Variants in MGRN1 observed in about 807,000 individuals in gnomAD.
The protein encoded by MGRN1 is mahogunin ring finger 1.
Under a neutral mutation model 69.2 loss-of-function variants are expected in MGRN1, and 29 were observed. The ratio of observed to expected loss-of-function variants is 0.42; its 90% confidence interval spans 0.31 to 0.57. MGRN1 has a LOEUF of 0.57. Among genes scored for constraint, MGRN1 ranks in the 20% least tolerant of loss-of-function variants. The pLI is 0.15. For synonymous variants in MGRN1, 470 were observed against 344.2 expected, an observed-to-expected ratio of 1.37 and a Z score of -4.04; for missense variants, 998 against 796.2, an observed-to-expected ratio of 1.25 and a Z score of -3.05.
At position 4,628,145 on chromosome 16, in the gene MGRN1, G is replaced by C. The variant is rs894304330; in HGVS notation, c.88+3097G>C. ...CTCACGCCTGTAATCCCAGCACTTT[G>C]GGAGGCCGAGGCAGGCGGATCACGA... On this transcript the variant is annotated intron_variant, in intron 1 of 16. Coordinates refer to ENST00000262370, the MANE Select transcript of MGRN1 (RefSeq NM_015246.4). 4.6e-5 allele frequency among the ~76,000 whole-genome samples: 7 copies of C among 150,994 alleles called. 1 individual carries two copies. The highest frequency in any genetic ancestry group is 1.0e-4 in the Non-Finnish European group (7 of 67,852).
At chr16:4,681,879 G>T (rs771559249) in intron 13 of MGRN1, 103 bp downstream of exon 13, 32 of 1,206,066 alleles carry the variant, frequency 2.7e-5, no homozygotes, top group Non-Finnish European at 3.6e-5. Flanking sequence ...GTTCTGTGTG[G>T]CGATTCCCCA....
At chr16:4,688,435 G>T in intron 16 of MGRN1, 1 of 1,061,742 alleles carries the variant, frequency 9.4e-7, no homozygotes, top group Non-Finnish European at 1.1e-6. Context: ...CCAGCCGTAA[G>T]AACCTTGGCA....
At chr16:4,637,534 C>T (rs962378948) in intron 1 of MGRN1, among the ~76,000 whole-genome samples, 7 of 152,176 alleles carry the variant, frequency 4.6e-5, no homozygotes, top group Admixed American at 2.6e-4. Context: ...GGAAATTGGC[C>T]GCCTTAGTGC....
At chr16:4,637,009 C>T (rs1258993548) in intron 1 of MGRN1, among the ~76,000 whole-genome samples, 1 of 150,654 alleles carries the variant, frequency 6.6e-6, no homozygotes, top group Non-Finnish European at 1.5e-5. Context: ...GTCCCAGCTA[C>T]TTGGGAGGCT....
intron 1 of MGRN1, among the ~76,000 whole-genome samples, chr16:4,643,597 C>G (rs2078209828): frequency 6.6e-6 from 1 of 151,714 alleles, no homozygotes; most frequent in South Asian, 2.1e-4. Context: ...TGGTCTCCAT[C>G]TCCTGACCTC....
chr16:4,636,890 C>T (rs550564819), intron 1 of MGRN1, among the ~76,000 whole-genome samples: 1 of 151,586 alleles, frequency 6.6e-6, no homozygotes, highest in African/African-American at 2.4e-5. Context: ...GAGGCCGAGA[C>T]GGGCAGATCA....
Position 4,677,515 on chromosome 16 carries a change from G to T in MGRN1, c.1008G>T (p.Leu336=), listed in dbSNP as rs768406687. The change falls in exon 11 of 17, where the codon CTG becomes CTT. Residue 336 remains leucine, a synonymous_variant. Transcript: ENST00000262370. ...IRAVRKKPGA[L]SPVSFSPVLA... ...CGGTGCGGAAGAAGCCAGGAGCCCT[G>T]TCCCCCGTGTCCTTCAGCCCCGTCC... is the stretch of plus-strand genomic sequence containing the variant. 7.5e-6 allele frequency: 12 copies of T among 1,596,162 alleles called. No homozygotes were observed. Among genetic ancestry groups the T allele is most frequent in the Non-Finnish European group, 1.0e-5 (12 of 1,177,350 alleles).
intron 5 of MGRN1, among the ~76,000 whole-genome samples, chr16:4,657,935 G>C (rs900336235): frequency 1.3e-5 from 2 of 151,034 alleles, no homozygotes; most frequent in Non-Finnish European, 3.0e-5. Flanking sequence ...GTAGAGACGG[G>C]GTTTCACCGT....
intron 4 of MGRN1, among the ~76,000 whole-genome samples, chr16:4,655,375 C>T (rs1203216722): frequency 2.0e-5 from 3 of 152,232 alleles, no homozygotes; most frequent in Non-Finnish European, 2.9e-5. Flanking sequence ...CTCTCCTAGA[C>T]CCCTGCGGGC....
At position 4,683,245 on chromosome 16, in the gene MGRN1, G is replaced by T. The variant is rs774738232; in HGVS notation, c.1504G>T (p.Asp502Tyr). The stretch of plus-strand genomic sequence containing the variant: ...CTAGAGTTTCATAACAGAAGAGGTT[G>T]ATGAGTCGTCGTCACCACAGCAAGG... ...SPESFITEEV[D>Y]ESSSPQQGTR... is the part of the protein sequence containing the mutation. Residue 502 changes from aspartate to tyrosine, a missense_variant, in exon 15 of 17, where the codon GAT becomes TAT. Asp to Tyr is a radical substitution (Grantham distance 160, BLOSUM62 -3). Transcript: ENST00000262370. The T allele has an allele frequency of 6.2e-7, 1 of 1,613,698 alleles. No individual in the cohort carries two copies. The highest frequency in any genetic ancestry group is 8.5e-7 in the Non-Finnish European group (1 of 1,180,004).
intron 5 of MGRN1, among the ~76,000 whole-genome samples, chr16:4,660,364 G>A (rs566823248): frequency 2.2e-3 from 331 of 152,352 alleles, no homozygotes; most frequent in African/African-American, 7.6e-3. Context: ...CTGTAAACCC[G>A]TCTGCCAGCC....
Position 4,677,677 on chromosome 16 carries a change from G to C in MGRN1, c.1065+105G>C, listed in dbSNP as rs2079082775. On this transcript the variant is annotated intron_variant, in intron 11 of 16. Coordinates refer to ENST00000262370, the MANE Select transcript of MGRN1 (RefSeq NM_015246.4). Reference sequence around the variant, plus strand: ...AGCCAGCAGCCCCGTGTTCTCTTCTGTCCAGTGGGCAGGCATGGCCCCCAT... The same window carrying C: ...AGCCAGCAGCCCCGTGTTCTCTTCTCTCCAGTGGGCAGGCATGGCCCCCAT... 2.5e-5 allele frequency: 28 copies of C among 1,106,520 alleles called. No homozygotes were observed. In the South Asian group the frequency reaches 3.9e-4, roughly 15 times the overall value. 68.5% of individuals were successfully genotyped at this position (1,106,520 alleles called of 1,614,324 possible).
intron 5 of MGRN1, among the ~76,000 whole-genome samples, chr16:4,662,046 G>C (rs1355630286): frequency 6.6e-6 from 1 of 152,144 alleles, no homozygotes; most frequent in Non-Finnish European, 1.5e-5. Context: ...TGTCCACATA[G>C]CCTCCCTGGT....
chr16:4,684,553 G>T, intron 16 of MGRN1, among the ~76,000 whole-genome samples: 1 of 152,252 alleles, frequency 6.6e-6, no homozygotes, highest in Non-Finnish European at 1.5e-5. Context: ...CGGCGGGGGC[G>T]CCAGGCGCCA....
At chr16:4,670,367 C>G (rs995417520) in intron 8 of MGRN1, among the ~76,000 whole-genome samples, 1 of 152,204 alleles carries the variant, frequency 6.6e-6, no homozygotes, top group African/African-American at 2.4e-5. Flanking sequence ...CTCAGCATCC[C>G]GAGTAGCTGG....
chr16:4,657,218 C>G (rs2141898359), intron 4 of MGRN1, 28 bp from the exon 5 acceptor site: 1 of 1,603,750 alleles, frequency 6.2e-7, no homozygotes, highest in Non-Finnish European at 8.5e-7. Context: ...CTGCCGCAGC[C>G]TCACTGCTTG....
chr16:4,660,195 T>C (rs959479529), intron 5 of MGRN1, among the ~76,000 whole-genome samples: 4 of 152,232 alleles, frequency 2.6e-5, no homozygotes, highest in African/African-American at 9.6e-5. Context: ...GGGCCCACTT[T>C]CGTTCTGCCG....
At chr16:4,628,463 G>T (rs1342628703) in intron 1 of MGRN1, among the ~76,000 whole-genome samples, 1 of 151,208 alleles carries the variant, frequency 6.6e-6, no homozygotes, top group African/African-American at 2.4e-5. Context: ...CACCACAATT[G>T]CAGACATTTC....
intron 1 of MGRN1, among the ~76,000 whole-genome samples, chr16:4,643,728 A>T (rs191020010): frequency 1.3e-4 from 20 of 152,294 alleles, no homozygotes; most frequent in Non-Finnish European, 1.0e-4. Context: ...CACCAATTGA[A>T]ATTAGAATTT....
Sources: allele counts gnomAD v4.1 joint callset (sites outside exome capture counted in the v4.1 genomes callset), GRCh38; gene constraint gnomAD v4.1.1; transcripts MANE v1.5; gene names NCBI Gene and HGNC (gene_info 2026-07-23, HGNC 2026-07-21).